Variants in SERINC3 observed in about 807,000 individuals in gnomAD.
SERINC3 encodes the protein serine incorporator 3, also known as tumor differentially expressed protein 1.
SERINC3 carries 22 observed loss-of-function variants against 52.1 expected under a neutral mutation model. The observed-to-expected ratio is 0.42, with a 90% CI of 0.30 to 0.60. SERINC3 has a LOEUF of 0.60. Among genes scored for constraint, SERINC3 ranks in the 20% least tolerant of loss-of-function variants. SERINC3 has a pLI of 0.16. For synonymous variants in SERINC3, 226 were observed against 212.7 expected (o/e 1.06, Z -0.54); for missense variants, 564 against 584.6 (o/e 0.96, Z 0.36).
intron 1 of SERINC3, 32 bp from the exon 2 acceptor site, chr20:44,514,072 C>T (rs371383487): frequency 3.1e-5 from 50 of 1,606,200 alleles, no homozygotes; most frequent in Middle Eastern, 1.7e-4. Context: ...CACCTGAGAC[C>T]GCCTTCAGTA....
In SERINC3 at chr20:44,500,099, C is replaced by A; in HGVS notation, c.*197G>T. ...TTTGTGCTATATCCTTAGAAGTAAACATAATATACAGATAAATGAGAAGTT... is the reference window on the plus strand; with the variant it reads ...TTTGTGCTATATCCTTAGAAGTAAAAATAATATACAGATAAATGAGAAGTT... On this transcript the variant is annotated 3_prime_UTR_variant, in exon 10 of 10. Transcript: ENST00000342374. 1.7e-6 allele frequency: 1 copy of A among 584,734 alleles called. No homozygotes were observed. Among genetic ancestry groups the A allele is most frequent in the South Asian group, 2.5e-5 (1 of 39,658 alleles). The allele number at this position is 584,734 out of a possible 1,614,324, so 36.2% of individuals were successfully genotyped here. A position where few individuals can be genotyped will look rare whatever the true frequency, so the allele number is the denominator to read the frequency against.
chr20:44,521,994 C>A lies in SERINC3; in HGVS notation c.-43G>T. 6.3e-7 allele frequency: 1 copy of A among 1,582,570 alleles called. No individual in the cohort carries two copies. Among genetic ancestry groups the A allele is most frequent in the Non-Finnish European group, 8.6e-7 (1 of 1,163,562 alleles). ...AGGTGGCCGGTCCTGAGGCTGCTTT[C>A]TAACACGGTGGTAACTGCCAGCTGA... is the stretch of plus-strand genomic sequence containing the variant. On this transcript the variant is annotated 5_prime_UTR_variant, in exon 1 of 10. It removes the in-frame stop codon of an upstream open reading frame in the 5' UTR. Coordinates refer to ENST00000342374, the MANE Select transcript of SERINC3 (RefSeq NM_006811.4).
intron 4 of SERINC3, among the ~76,000 whole-genome samples, chr20:44,510,952 C>A (rs1364044941): frequency 6.6e-6 from 1 of 151,942 alleles, no homozygotes; most frequent in African/African-American, 2.4e-5. Context: ...CTTGATCTGT[C>A]GCCCAGGCTG....
intron 5 of SERINC3, 147 bp downstream of exon 5, chr20:44,509,744 G>A (rs2064335534): frequency 2.3e-6 from 2 of 865,528 alleles, no homozygotes; most frequent in Admixed American, 4.5e-5. Context: ...TGCCTAGACT[G>A]GTCTTGAACT....
At chr20:44,505,413 C>G (rs1568785894) in intron 6 of SERINC3, among the ~76,000 whole-genome samples, 2 of 152,042 alleles carry the variant, frequency 1.3e-5, no homozygotes, top group South Asian at 2.1e-4. Flanking sequence ...GCAACCTCCT[C>G]CTGGGTTCAA....
rs1314483819 is a variant in SERINC3 at position 44,513,003 on chromosome 20, A to C, written c.202-9T>G. ...TCACAAAATCCAGGAATCTGGAAAA[A>C]AGCAATTTCAATGTTACGAGAATAT... On this transcript the variant is annotated splice_polypyrimidine_tract_variant and intron_variant, in intron 2 of 9. Coordinates refer to ENST00000342374, the MANE Select transcript of SERINC3 (RefSeq NM_006811.4). 6.7e-7 allele frequency: 1 copy of C among 1,483,606 alleles called. No homozygotes were observed. Among genetic ancestry groups the C allele is most frequent in the African/African-American group, 1.5e-5 (1 of 68,028 alleles). 91.9% of individuals were successfully genotyped at this position (1,483,606 alleles called of 1,614,324 possible). A position where few individuals can be genotyped will look rare whatever the true frequency, so the allele number is the denominator to read the frequency against.
chr20:44,521,886 G>C (rs781780900), intron 1 of SERINC3, 27 bp downstream of exon 1: 1 of 1,600,054 alleles, frequency 6.2e-7, no homozygotes, highest in African/African-American at 1.3e-5. Context: ...CCGCAGGTCC[G>C]GCGAGGACTC....
rs147269207 is a variant in SERINC3 at position 44,507,027 on chromosome 20, A to T, written c.614-31T>A. ...GAAAGGGAAACCAATATGAATGACCACAACTATAATAAACTAATAATGAAG... is the reference window on the plus strand; with the variant it reads ...GAAAGGGAAACCAATATGAATGACCTCAACTATAATAAACTAATAATGAAG... On this transcript the variant is annotated intron_variant, in intron 5 of 9. Coordinates refer to ENST00000342374, the MANE Select transcript of SERINC3 (RefSeq NM_006811.4). The T allele has an allele frequency of 1.8e-5, 27 of 1,514,074 alleles. No individual in the cohort carries two copies. In the East Asian group the frequency reaches 6.1e-4, roughly 34 times the overall value. 93.8% of individuals were successfully genotyped at this position (1,514,074 alleles called of 1,614,324 possible).
At chr20:44,506,750 C>A in intron 6 of SERINC3, 77 bp downstream of exon 6, 2 of 989,384 alleles carry the variant, frequency 2.0e-6, no homozygotes, top group African/African-American at 1.7e-5. Flanking sequence ...GACATAAATT[C>A]ATAAGAAAGG....
Position 44,502,956 on chromosome 20 carries a change from A to T in SERINC3, c.1055+859T>A, listed in dbSNP as rs75668299. Among the ~76,000 whole-genome samples, 782 of 152,356 alleles carry T rather than the reference A, an allele frequency of 5.1e-3. 5 individuals carry two copies. The highest frequency in any genetic ancestry group is 0.018 in the African/African-American group (745 of 41,580). On this transcript the variant is annotated intron_variant, in intron 8 of 9. Transcript: ENST00000342374. The stretch of plus-strand genomic sequence containing the variant: ...CCCAAAAGTTAAGCTAAGAAAACAT[A>T]CATTCATTTATAATACCATCGAAAA...
rs145530941 is a variant in SERINC3, at chr20:44,503,338, A to G, written c.1055+477T>C. The stretch of plus-strand genomic sequence containing the variant: ...GAAAAAGAACAAATTTGGAGGACTC[A>G]TACTTCCTAATTTCAAAACTTACTA... On this transcript the variant is annotated intron_variant, in intron 8 of 9. Coordinates refer to ENST00000342374, the MANE Select transcript of SERINC3 (RefSeq NM_006811.4). Among the ~76,000 whole-genome samples the G allele has an allele frequency of 3.3e-3, 508 of 152,334 alleles. 3 individuals carry two copies. The highest frequency in any genetic ancestry group is 0.012 in the African/African-American group (481 of 41,588).
chr20:44,514,704 T>A (rs1289643614), intron 1 of SERINC3, among the ~76,000 whole-genome samples: 1 of 152,094 alleles, frequency 6.6e-6, no homozygotes, highest in East Asian at 1.9e-4. Context: ...GAGCTCACAC[T>A]GAGCTGAGAT....
intron 1 of SERINC3, among the ~76,000 whole-genome samples, chr20:44,515,200 A>G (rs940441988): frequency 6.6e-6 from 1 of 152,052 alleles, no homozygotes; most frequent in African/African-American, 2.4e-5. Context: ...CTAAAAATAC[A>G]AAAATTATCC....
At chr20:44,506,281 CAAA>C (rs58316790) in intron 6 of SERINC3, among the ~76,000 whole-genome samples, 1,397 of 65,762 alleles carry the variant, frequency 0.021, 27 homozygotes, top group African/African-American at 0.064. Context: ...GACTTTGTCT[CAAA>C]AAAAAAAAAA....
At chr20:44,518,032 T>C (rs2064391374) in intron 1 of SERINC3, among the ~76,000 whole-genome samples, 1 of 152,238 alleles carries the variant, frequency 6.6e-6, no homozygotes, top group African/African-American at 2.4e-5. Context: ...ACATCAGCTC[T>C]ACCCTTAAAA....
rs979962881 is a variant in SERINC3 at position 44,497,917 on chromosome 20, TGTCAGTGCTAA to T, written c.*2368_*2378del. On this transcript the variant is annotated 3_prime_UTR_variant, in exon 10 of 10. Coordinates refer to ENST00000342374, the MANE Select transcript of SERINC3 (RefSeq NM_006811.4). The stretch of plus-strand genomic sequence containing the variant: ...AGATCAGCAGCTACTGTCAGTGCTA[TGTCAGTGCTAA>T]AAATGGGTTACACTTTGCAAAATAA... 6 of 152,212 alleles carry T rather than the reference TGTCAGTGCTAA, an allele frequency of 3.9e-5. No individual in the cohort carries two copies. The highest frequency in any genetic ancestry group is 1.4e-4 in the African/African-American group (6 of 41,440). 9.4% of individuals were successfully genotyped at this position (152,212 alleles called of 1,614,324 possible).
At position 44,500,150 on chromosome 20, in the gene SERINC3, A is replaced by G. The variant is rs950718209; in HGVS notation, c.*146T>C. ...TCGATTCTGCATCAAGCATTATTCA[A>G]TCTCACCTTCTGATATAAACCTGCA... On this transcript the variant is annotated 3_prime_UTR_variant, in exon 10 of 10. Coordinates refer to ENST00000342374, the MANE Select transcript of SERINC3 (RefSeq NM_006811.4). The G allele has an allele frequency of 7.4e-6, 6 of 809,112 alleles. No individual in the cohort carries two copies. Among genetic ancestry groups the G allele is most frequent in the Non-Finnish European group, 1.2e-5 (6 of 521,726 alleles). The allele number at this position is 809,112 out of a possible 1,614,324, so 50.1% of individuals were successfully genotyped here.
chr20:44,506,098 C>T (rs1175054005), intron 6 of SERINC3, among the ~76,000 whole-genome samples: 1 of 150,610 alleles, frequency 6.6e-6, no homozygotes, highest in African/African-American at 2.4e-5. Flanking sequence ...GTCAGGAGTT[C>T]GAGACCAGCC....
At chr20:44,514,954 C>G (rs2064370956) in intron 1 of SERINC3, among the ~76,000 whole-genome samples, 1 of 152,100 alleles carries the variant, frequency 6.6e-6, no homozygotes, top group South Asian at 2.1e-4. Context: ...GCTATTAAAA[C>G]AAAAGCTTGT....
Sources: allele counts gnomAD v4.1 joint callset (sites outside exome capture counted in the v4.1 genomes callset), GRCh38; gene constraint gnomAD v4.1.1; transcripts MANE v1.5; gene names NCBI Gene and HGNC (gene_info 2026-07-23, HGNC 2026-07-21).